Variants in DACH2 observed in about 807,000 individuals in gnomAD.
DACH2 encodes the protein dachshund homolog 2.
A neutral mutation model predicts 35.8 loss-of-function variants in DACH2; 17 were observed. That is an observed-to-expected ratio of 0.48 (90% CI 0.33 to 0.71). The LOEUF (loss-of-function observed/expected upper bound fraction) is 0.71, where lower values mean the gene tolerates loss of function less well. Among genes scored for constraint, DACH2 ranks in the 30% least tolerant of loss-of-function variants. The pLI is 0.02. For missense variants in DACH2, 469 were observed against 472.7 expected, an observed-to-expected ratio of 0.99 and a Z score of 0.07; for synonymous variants, 195 against 177.3, an observed-to-expected ratio of 1.10 and a Z score of -0.79.
At chrX:86,490,200 G>T (rs1490640261) in intron 2 of DACH2, among the ~76,000 whole-genome samples, 1 of 111,975 alleles carries the variant, frequency 8.9e-6, no homozygotes, top group East Asian at 2.8e-4. Context: ...ATGCAGGCAA[G>T]CTATTCTTTA....
chrX:86,640,392 C>A (rs1162588020), intron 3 of DACH2, among the ~76,000 whole-genome samples: 1 of 111,668 alleles, frequency 9.0e-6, no homozygotes, highest in Non-Finnish European at 1.9e-5. Context: ...TCAGTCTCCC[C>A]CATGCCCCAC....
intron 1 of DACH2, among the ~76,000 whole-genome samples, chrX:86,275,521 C>A (rs752528793): frequency 1.8e-5 from 2 of 111,268 alleles, no homozygotes; most frequent in Non-Finnish European, 3.8e-5. Context: ...GGTGTCCATC[C>A]CCTCAAGCAC....
rs2030257931 is a variant in DACH2 at position 86,148,887 on chromosome X, C to T, written c.267C>T (p.Ile89=). ...TCCTGATGGACGGCCAGGAACTGAT[C>T]TGCCTGCCGCAAGTCTTTGATCTTT... ...ASFLMDGQEL[I]CLPQVFDLFL... Residue 89 remains isoleucine, a synonymous_variant, in exon 1 of 12, where the codon ATC becomes ATT. Transcript: ENST00000373125. The T allele has an allele frequency of 8.3e-7, 1 of 1,211,164 alleles. No individual in the cohort carries two copies. The highest frequency in any genetic ancestry group is 1.8e-5 in the South Asian group (1 of 56,889).
chrX:86,520,958 A>G (rs1436879343), intron 3 of DACH2, among the ~76,000 whole-genome samples: 1 of 111,282 alleles, frequency 9.0e-6, no homozygotes, highest in East Asian at 2.8e-4. Flanking sequence ...TTAGCTTGCT[A>G]TTATGTTGGC....
At chrX:86,454,994 G>A (rs1045662133) in intron 2 of DACH2, among the ~76,000 whole-genome samples, 1 of 111,409 alleles carries the variant, frequency 9.0e-6, no homozygotes, top group African/African-American at 3.3e-5. Flanking sequence ...TTTTCTGTTT[G>A]TTTGTTTTTC....
At chrX:86,237,225 A>G (rs1207946145) in intron 1 of DACH2, among the ~76,000 whole-genome samples, 1 of 111,737 alleles carries the variant, frequency 8.9e-6, no homozygotes, top group Non-Finnish European at 1.9e-5. Context: ...TTCTTCTGTA[A>G]TACTTCTTGA....
intron 1 of DACH2, among the ~76,000 whole-genome samples, chrX:86,157,218 T>G (rs976913155): frequency 9.0e-6 from 1 of 111,635 alleles, no homozygotes; most frequent in Non-Finnish European, 1.9e-5. Flanking sequence ...TTAAACAAAT[T>G]GACTGTTTAA....
chrX:86,650,800 A>G (rs1466527126), intron 3 of DACH2, among the ~76,000 whole-genome samples: 1 of 111,412 alleles, frequency 9.0e-6, no homozygotes, highest in Non-Finnish European at 1.9e-5. Flanking sequence ...AAATATTAAC[A>G]AATTCAAGTT....
At position 86,154,285 on chromosome X, in the gene DACH2, T is replaced by A. The variant is rs372248253; in HGVS notation, c.488+5177T>A. 1.3e-3 allele frequency among the ~76,000 whole-genome samples: 143 copies of A among 111,687 alleles called. 1 individual carries two copies. The South Asian group carries it at 0.047, about 36-fold the overall frequency. On this transcript the variant is annotated intron_variant, in intron 1 of 11. Coordinates refer to ENST00000373125, the MANE Select transcript of DACH2 (RefSeq NM_053281.3). ...GGTTATCTACTCTATACATTTTAAA[T>A]ATGTATTAAAACCATCCTAATTGAT...
intron 3 of DACH2, among the ~76,000 whole-genome samples, chrX:86,626,048 G>T (rs1287410884): frequency 8.9e-6 from 1 of 111,737 alleles, no homozygotes; most frequent in African/African-American, 3.3e-5. Context: ...AAAGTCCACA[G>T]TCCAAAGTCT....
chrX:86,290,341 G>A (rs1463313148), intron 1 of DACH2, among the ~76,000 whole-genome samples: 2 of 67,281 alleles, frequency 3.0e-5, no homozygotes, highest in East Asian at 1.0e-3. Flanking sequence ...CAGATGAGTA[G>A]GTTGCAAAAA....
intron 7 of DACH2, among the ~76,000 whole-genome samples, chrX:86,747,138 T>C (rs1424681026): frequency 1.8e-5 from 2 of 111,674 alleles, no homozygotes; most frequent in African/African-American, 3.2e-5. Context: ...GAGTCTTTTA[T>C]TATTTTATTC....
At chrX:86,441,891 A>G (rs1217501852) in intron 2 of DACH2, among the ~76,000 whole-genome samples, 2 of 104,453 alleles carry the variant, frequency 1.9e-5, no homozygotes, top group African/African-American at 7.0e-5. Flanking sequence ...ATATATATGT[A>G]TATATATTAG....
intron 3 of DACH2, among the ~76,000 whole-genome samples, chrX:86,534,669 G>T (rs1383866558): frequency 9.0e-6 from 1 of 110,943 alleles, no homozygotes; most frequent in Non-Finnish European, 1.9e-5. Flanking sequence ...CTTTCATTTA[G>T]CCCTATAACT....
At chrX:86,206,328 A>G (rs2032311664) in intron 1 of DACH2, among the ~76,000 whole-genome samples, 1 of 111,207 alleles carries the variant, frequency 9.0e-6, no homozygotes, top group Non-Finnish European at 1.9e-5. Flanking sequence ...ATCCTCTCCT[A>G]GTTAGCGTTC....
chrX:86,738,844 A>G (rs1273513595), intron 6 of DACH2, among the ~76,000 whole-genome samples: 11 of 111,878 alleles, frequency 9.8e-5, no homozygotes, highest in Non-Finnish European at 1.3e-4. Context: ...TTTGAAAAAA[A>G]ACAATAATGG....
chrX:86,565,203 C>G (rs1174202261), intron 3 of DACH2, among the ~76,000 whole-genome samples: 1 of 111,728 alleles, frequency 9.0e-6, no homozygotes, highest in Non-Finnish European at 1.9e-5. Context: ...CCTTGCTTAT[C>G]TCCTATCTCC....
At chrX:86,293,254 C>CT (rs140288561) in intron 1 of DACH2, among the ~76,000 whole-genome samples, 11 of 106,703 alleles carry the variant, frequency 1.0e-4, no homozygotes, top group East Asian at 3.0e-4. Flanking sequence ...GCAACCCTGC[C>CT]TTTTTTTTTG....
intron 1 of DACH2, among the ~76,000 whole-genome samples, chrX:86,154,655 C>G (rs770340692): frequency 2.7e-5 from 3 of 111,542 alleles, no homozygotes; most frequent in Admixed American, 9.5e-5. Context: ...ATTAATTTCA[C>G]CAAGCGGCTC....
Sources: gnomAD v4.1 joint callset for allele counts (sites outside exome capture counted in the v4.1 genomes callset) on GRCh38, gnomAD v4.1.1 for gene constraint, MANE v1.5 for transcripts, NCBI Gene and HGNC (gene_info 2026-07-23, HGNC 2026-07-21) for gene names.